SORCS3: variants seen among roughly 807,000 people sequenced by gnomAD.
The protein encoded by SORCS3 is sortilin related VPS10 domain containing receptor 3, also known as VPS10 domain-containing receptor SorCS3.
SORCS3 carries 57 observed loss-of-function variants against 146.3 expected under a neutral mutation model. The ratio of observed to expected loss-of-function variants is 0.39; its 90% CI spans 0.31 to 0.49. The LOEUF is 0.49. Among genes scored for constraint, SORCS3 ranks in the 20% least tolerant of loss-of-function variants. The pLI is 0.92. For missense variants in SORCS3, 1,341 were observed against 1,575.5 expected, an observed-to-expected ratio of 0.85 and a Z score of 2.52; for synonymous variants, 653 against 618.5, an observed-to-expected ratio of 1.06 and a Z score of -0.83.
intron 5 of SORCS3, among the ~76,000 whole-genome samples, chr10:105,068,682 T>A (rs1184406443): frequency 6.6e-6 from 1 of 152,212 alleles, no homozygotes; most frequent in Non-Finnish European, 1.5e-5. Context: ...GTCACAAAAA[T>A]TTTGTGGCCA....
Position 105,157,076 on chromosome 10 carries a change from T to G in SORCS3, c.1483-62T>G, listed in dbSNP as rs1225341030. On this transcript the variant is annotated intron_variant, in intron 9 of 26. Coordinates refer to ENST00000369701, the MANE Select transcript of SORCS3 (RefSeq NM_014978.3). ...GAAATTCTGCGGCTTCTCTAAGGGC[T>G]TCTCCAAGACCAAAGGCATGTTGGC... The G allele has an allele frequency of 3.2e-6, 5 of 1,585,548 alleles. No individual in the cohort carries two copies. In the Admixed American group the frequency reaches 8.6e-5, roughly 27 times the overall value.
chr10:105,172,738 T>C (rs1488678256), intron 13 of SORCS3, among the ~76,000 whole-genome samples: 1 of 152,192 alleles, frequency 6.6e-6, no homozygotes, highest in Admixed American at 6.5e-5. Context: ...CTACACTTAT[T>C]AAAATTGAAC....
chr10:104,900,479 G>A (rs190728525), intron 2 of SORCS3, among the ~76,000 whole-genome samples: 2 of 152,204 alleles, frequency 1.3e-5, no homozygotes, highest in East Asian at 1.9e-4. Context: ...TTTCAAACAG[G>A]CTTTATATTC....
chr10:105,202,844 A>G (rs541411163), intron 16 of SORCS3, among the ~76,000 whole-genome samples: 41 of 152,294 alleles, frequency 2.7e-4, no homozygotes, highest in Non-Finnish European at 4.3e-4. Context: ...CTAAAGTTCA[A>G]TTTGATTATT....
chr10:105,254,891 A>C (rs1589712905), intron 23 of SORCS3, among the ~76,000 whole-genome samples: 1 of 152,162 alleles, frequency 6.6e-6, no homozygotes, highest in Admixed American at 6.5e-5. Context: ...AAAAATCCAC[A>C]TAGAAGTGGA....
chr10:104,944,363 T>G (rs922835576), intron 3 of SORCS3, among the ~76,000 whole-genome samples: 93 of 152,308 alleles, frequency 6.1e-4, no homozygotes, highest in African/African-American at 2.2e-3. Flanking sequence ...AAGATTGATA[T>G]GTTGGACTTA....
At chr10:105,210,772 T>C (rs1340949650) in intron 16 of SORCS3, among the ~76,000 whole-genome samples, 1 of 152,216 alleles carries the variant, frequency 6.6e-6, no homozygotes, top group Non-Finnish European at 1.5e-5. Context: ...ATTGTCTTTG[T>C]TGTCATGTAC....
At chr10:105,209,433 G>A (rs900424663) in intron 16 of SORCS3, among the ~76,000 whole-genome samples, 3 of 152,150 alleles carry the variant, frequency 2.0e-5, no homozygotes, top group African/African-American at 7.2e-5. Flanking sequence ...GTGAACCACT[G>A]TGCCCAGCTG....
Position 105,139,444 on chromosome 10 carries a change from G to C in SORCS3, c.1260G>C (p.Glu420Asp). 1 of 1,613,686 alleles carries C rather than the reference G, an allele frequency of 6.2e-7. No individual in the cohort carries two copies. Among genetic ancestry groups the C allele is most frequent in the East Asian group, 2.2e-5 (1 of 44,862 alleles). ...RASYYVSYRR[E>D]AFAQIKLPKY... is the part of the protein sequence containing the mutation. ...GCTACTACGTGTCTTATCGAAGAGA[G>C]GCCTTTGCTCAGATAAAGCTGCCTA... The change falls in exon 8 of 27, where the codon GAG becomes GAC. Residue 420 changes from glutamate to aspartate, a missense_variant. By Grantham distance (45) the Glu-to-Asp change is conservative. Coordinates refer to ENST00000369701, the MANE Select transcript of SORCS3 (RefSeq NM_014978.3).
At chr10:105,002,406 ATAGG>A (rs1437017642) in intron 4 of SORCS3, among the ~76,000 whole-genome samples, 7 of 152,190 alleles carry the variant, frequency 4.6e-5, no homozygotes, top group Non-Finnish European at 8.8e-5. Context: ...GTAACCTCAG[ATAGG>A]TAGGAATAAG....
chr10:105,079,569 T>G (rs1040865594), intron 5 of SORCS3, among the ~76,000 whole-genome samples: 4 of 152,204 alleles, frequency 2.6e-5, no homozygotes, highest in African/African-American at 7.2e-5. Context: ...GTGCCTTTAT[T>G]TTTTTAAACT....
chr10:105,200,215 G>T, intron 15 of SORCS3, 99 bp downstream of exon 15: 9 of 893,714 alleles, frequency 1.0e-5, no homozygotes, highest in Non-Finnish European at 8.9e-6. Context: ...GGGGAGGAAG[G>T]TAGTGGGTCA....
At chr10:105,206,760 C>T (rs1159735391) in intron 16 of SORCS3, among the ~76,000 whole-genome samples, 1 of 151,900 alleles carries the variant, frequency 6.6e-6, no homozygotes, top group East Asian at 1.9e-4. Context: ...ATGATTAATC[C>T]ATTGTTTTTG....
Position 105,167,358 on chromosome 10 carries a change from A to C in SORCS3, c.1901+9A>C. 1 of 1,605,458 alleles carries C rather than the reference A, an allele frequency of 6.2e-7. No homozygotes were observed. The highest frequency in any genetic ancestry group is 8.5e-7 in the Non-Finnish European group (1 of 1,172,692). ...CCAGTCAGGCATTTGTGGTAAGGAG[A>C]GCTCCCTACCCTATTAATGAGCTAA... On this transcript the variant is annotated intron_variant, in intron 13 of 26. Transcript: ENST00000369701.
chr10:105,128,976 C>G (rs774254112), intron 7 of SORCS3, among the ~76,000 whole-genome samples: 1 of 152,036 alleles, frequency 6.6e-6, no homozygotes, highest in South Asian at 2.1e-4. Context: ...GTTACAATGC[C>G]TAAAATTGCA....
intron 7 of SORCS3, among the ~76,000 whole-genome samples, chr10:105,136,551 A>G (rs1564763847): frequency 6.6e-6 from 1 of 152,224 alleles, no homozygotes; most frequent in Admixed American, 6.5e-5. Context: ...AATTATAGGA[A>G]TGTGTGTGCC....
At chr10:104,730,567 A>G (rs2016694213) in intron 1 of SORCS3, among the ~76,000 whole-genome samples, 1 of 152,174 alleles carries the variant, frequency 6.6e-6, no homozygotes, top group Non-Finnish European at 1.5e-5. Flanking sequence ...TGTTTTCCTC[A>G]GCTGGGCCCT....
chr10:104,788,192 A>G (rs1002630831), intron 1 of SORCS3, among the ~76,000 whole-genome samples: 6 of 152,136 alleles, frequency 3.9e-5, no homozygotes, highest in African/African-American at 7.2e-5. Context: ...GAATCAGGCA[A>G]TGGTTGAGTT....
At chr10:105,071,768 A>G (rs1193175210) in intron 5 of SORCS3, among the ~76,000 whole-genome samples, 4 of 152,202 alleles carry the variant, frequency 2.6e-5, no homozygotes, top group Non-Finnish European at 5.9e-5. Context: ...GGTCTTATTT[A>G]TTCTTTCTAA....
Sources: allele counts gnomAD v4.1 joint callset (sites outside exome capture counted in the v4.1 genomes callset), GRCh38; gene constraint gnomAD v4.1.1; transcripts MANE v1.5; gene names NCBI Gene and HGNC (gene_info 2026-07-23, HGNC 2026-07-21).